DNAH6: variants seen among roughly 807,000 people sequenced by gnomAD.
DNAH6 encodes the protein dynein axonemal heavy chain 6, also known as axonemal beta dynein heavy chain 6.
DNAH6 carries 340 observed loss-of-function variants against 491.4 expected under a neutral mutation model. The ratio of observed to expected loss-of-function variants is 0.69; its 90% confidence interval spans 0.63 to 0.76. The LOEUF is 0.76. Ranked by LOEUF, DNAH6 falls within the 30% of genes least tolerant of loss-of-function variation. The pLI is 0.00. For synonymous variants in DNAH6, 1,603 were observed against 1,686.1 expected, an observed-to-expected ratio of 0.95 and a Z score of 1.21; for missense variants, 4,443 against 4,972.2, an observed-to-expected ratio of 0.89 and a Z score of 3.20.
At chr2:84,565,484 G>C (rs565766639) in intron 11 of DNAH6, among the ~76,000 whole-genome samples, 87 of 152,044 alleles carry the variant, frequency 5.7e-4, no homozygotes, top group Middle Eastern at 3.4e-3. Flanking sequence ...CGTGTATATA[G>C]AATTGTTCAT....
At position 84,539,295 on chromosome 2, in the gene DNAH6, C is replaced by A. The variant is rs141183758; in HGVS notation, c.663-4938C>A. Among the ~76,000 whole-genome samples, 36 of 152,212 alleles carry A rather than the reference C, an allele frequency of 2.4e-4. No homozygotes were observed. The East Asian group carries it at 5.6e-3, about 24-fold the overall frequency. Reference sequence around the variant, plus strand: ...GTTAGATCTAGACTCCAGATTGTCTCCCTACCCTTCCTTCAAACACATGCA... The same window carrying A: ...GTTAGATCTAGACTCCAGATTGTCTACCTACCCTTCCTTCAAACACATGCA... On this transcript the variant is annotated intron_variant, in intron 4 of 76. Transcript: ENST00000389394.
At chr2:84,805,932 C>A (rs554649654) in intron 71 of DNAH6, 138 bp downstream of exon 71, 145 of 692,140 alleles carry the variant, frequency 2.1e-4, no homozygotes, top group Non-Finnish European at 3.1e-4. Context: ...ACATGGAGCT[C>A]TTCATTTATA....
the DNAH6 span, among the ~76,000 whole-genome samples, chr2:84,471,527 G>A: frequency 1.5e-4 from 23 of 152,206 alleles, no homozygotes; most frequent in African/African-American, 4.8e-4. Context: ...ATTCAGGGTA[G>A]AGAGGAGCTC....
chr2:84,593,707 T>C (rs1684316605), intron 16 of DNAH6, among the ~76,000 whole-genome samples: 1 of 152,218 alleles, frequency 6.6e-6, no homozygotes, highest in South Asian at 2.1e-4. Context: ...ATAATATTTA[T>C]GTCTTTGGAG....
Position 84,813,135 on chromosome 2 carries a change from C to T in DNAH6, c.11998+5C>T. 1.9e-6 allele frequency: 3 copies of T among 1,549,848 alleles called. No individual in the cohort carries two copies. The highest frequency in any genetic ancestry group is 2.6e-6 in the Non-Finnish European group (3 of 1,145,516). ...TTCCTCAAGGATTTCTAACAGGTACCAGCGCTTTCTAGAAAAACCCCATAG... is the reference window on the plus strand; with the variant it reads ...TTCCTCAAGGATTTCTAACAGGTACTAGCGCTTTCTAGAAAAACCCCATAG... On this transcript the variant is annotated splice_donor_5th_base_variant and intron_variant, in intron 74 of 76. Transcript: ENST00000389394.
At chr2:84,481,979 A>G in the DNAH6 span, among the ~76,000 whole-genome samples, 1 of 152,098 alleles carries the variant, frequency 6.6e-6, no homozygotes, top group East Asian at 1.9e-4. Context: ...CATTCCTCTA[A>G]GAGAAGTCAC....
Position 84,707,636 on chromosome 2 carries a change from T to G in DNAH6, c.8968T>G (p.Ser2990Ala), listed in dbSNP as rs1441464395. 1 of 1,552,158 alleles carries G rather than the reference T, an allele frequency of 6.4e-7. No homozygotes were observed. Among genetic ancestry groups the G allele is most frequent in the Non-Finnish European group, 8.7e-7 (1 of 1,147,126 alleles). Residue 2990 changes from serine to alanine, a missense_variant, in exon 54 of 77, where the codon TCA becomes GCA. By Grantham distance (99) the Ser-to-Ala change is moderately conservative. This residue lies in a region of DNAH6 where 1,463 missense variants were observed against 1,656.6 expected (regional missense o/e 0.88). Transcript: ENST00000389394. ...ESIQKFEEEI[S>A]NITGNVFIAA... ...CATACAGAAGTTTGAGGAAGAAATA[T>G]CAAATATCACTGGGAACGTGTTCAT...
intron 65 of DNAH6, among the ~76,000 whole-genome samples, chr2:84,782,201 G>A (rs911588946): frequency 3.3e-5 from 5 of 152,074 alleles, no homozygotes; most frequent in South Asian, 2.1e-4. Context: ...AAAGTGTAAC[G>A]GGCTGCAAAG....
At chr2:84,585,080 T>C (rs1463545789) in intron 15 of DNAH6, among the ~76,000 whole-genome samples, 1 of 152,176 alleles carries the variant, frequency 6.6e-6, no homozygotes, top group Non-Finnish European at 1.5e-5. Context: ...ACAGCTCACA[T>C]TGTGTGCTGC....
chr2:84,713,179 G>A lies in DNAH6; in HGVS notation c.9463G>A (p.Gly3155Arg), dbSNP rs1476156238. ...TGGTGGCCGACTACTCATCCGTCTT[G>A]GAGACTCAGACATTGATTATGACAA... ...ISGGRLLIRL[G>R]DSDIDYDKNF... Residue 3155 changes from glycine (G) to arginine (R), a missense_variant, in exon 57 of 77, where the codon GGA (glycine) becomes AGA (arginine). Physicochemically the swap from Gly to Arg is moderately radical, Grantham distance 125. This residue lies in a region of DNAH6 where 1,463 missense variants were observed against 1,656.6 expected (regional missense o/e 0.88). Coordinates refer to ENST00000389394, the MANE Select transcript of DNAH6 (RefSeq NM_001370.2). 1.9e-6 allele frequency: 3 copies of A among 1,551,672 alleles called. No homozygotes were observed. The highest frequency in any genetic ancestry group is 4.9e-5 in the East Asian group (2 of 40,938).
chr2:84,715,375 G>T lies in DNAH6; in HGVS notation c.9544-185G>T, dbSNP rs116140459. On this transcript the variant is annotated intron_variant, in intron 57 of 76. Transcript: ENST00000389394. ...AGGAACAAGATTGTTACTCATACTG[G>T]CAGGGAAAAACATATGAGGATTTTA... Among the ~76,000 whole-genome samples, 787 of 152,248 alleles carry T rather than the reference G, an allele frequency of 5.2e-3. 7 individuals are homozygous for T. The highest frequency in any genetic ancestry group is 0.018 in the African/African-American group (750 of 41,536).
intron 30 of DNAH6, among the ~76,000 whole-genome samples, chr2:84,634,980 C>T (rs1039046925): frequency 6.6e-6 from 1 of 152,172 alleles, no homozygotes; most frequent in African/African-American, 2.4e-5. Flanking sequence ...TCACAATGGG[C>T]AGCACTGGTG....
chr2:84,749,000 C>G (rs1485816982), intron 63 of DNAH6, among the ~76,000 whole-genome samples: 1 of 152,172 alleles, frequency 6.6e-6, no homozygotes, highest in Admixed American at 6.5e-5. Flanking sequence ...GCACCAGACT[C>G]TTTTAAACAA....
chr2:84,576,631 G>A (rs1251843318), intron 12 of DNAH6, among the ~76,000 whole-genome samples: 1 of 152,132 alleles, frequency 6.6e-6, no homozygotes, highest in African/African-American at 2.4e-5. Flanking sequence ...ATTTTTGACT[G>A]ATAGTATGAT....
rs78874096 is a variant in DNAH6 at position 84,601,060 on chromosome 2, T to C, written c.2869-3279T>C. Among the ~76,000 whole-genome samples the C allele has an allele frequency of 1.5e-3, 215 of 148,124 alleles. 1 individual carries two copies. The East Asian group carries it at 0.02, about 14-fold the overall frequency. On this transcript the variant is annotated intron_variant, in intron 18 of 76. Transcript: ENST00000389394. ...TATACTATAATAATAATGTTATTAT[T>C]ATACTATAAGGAATCCTTGTAGAAA...
intron 42 of DNAH6, among the ~76,000 whole-genome samples, chr2:84,684,768 T>C (rs1196300048): frequency 1.3e-5 from 2 of 152,226 alleles, no homozygotes; most frequent in African/African-American, 2.4e-5. Flanking sequence ...TTCCTGTACA[T>C]TGTTGCTTTG....
the DNAH6 span, among the ~76,000 whole-genome samples, chr2:84,466,012 A>G: frequency 2.0e-5 from 3 of 152,356 alleles, no homozygotes; most frequent in South Asian, 2.1e-4. Flanking sequence ...ACAATCTCAG[A>G]TAAGACTTTT....
At chr2:84,498,308 C>A in the DNAH6 span, among the ~76,000 whole-genome samples, 1 of 152,178 alleles carries the variant, frequency 6.6e-6, no homozygotes, top group Non-Finnish European at 1.5e-5. Context: ...GTCTAGACAT[C>A]ACCCTGTCTT....
intron 68 of DNAH6, among the ~76,000 whole-genome samples, chr2:84,792,329 G>C (rs549848655): frequency 9.2e-5 from 14 of 152,202 alleles, no homozygotes; most frequent in African/African-American, 2.4e-4. Context: ...TTAATCAGAA[G>C]GTATTTTGTA....
Sources: gnomAD v4.1 joint callset for allele counts (sites outside exome capture counted in the v4.1 genomes callset) on GRCh38, gnomAD v4.1.1 for gene constraint, gnomAD v4.1.1 regional missense constraint, MANE v1.5 for transcripts, NCBI Gene and HGNC (gene_info 2026-07-23, HGNC 2026-07-21) for gene names.